FASN: variants seen among roughly 807,000 people sequenced by gnomAD.
The protein encoded by FASN is 3-hydroxyacyl-[acyl-carrier-protein] dehydratase.
In FASN, 50 loss-of-function variants were observed where a neutral mutation model predicts 250.0. The ratio of observed to expected loss-of-function variants is 0.20; its 90% CI spans 0.16 to 0.25. The LOEUF is 0.25. FASN is among the 10% of genes least tolerant of loss of function. FASN has a pLI of 1.00. For synonymous variants in FASN, 1,909 were observed against 1,584.0 expected (o/e 1.21, Z -4.87); for missense variants, 3,031 against 3,498.5 (o/e 0.87, Z 3.37).
chr17:82,082,259 T>C, intron 35 of FASN, 64 bp downstream of exon 35: 1 of 1,605,706 alleles, frequency 6.2e-7, no homozygotes, highest in Non-Finnish European at 8.5e-7. Context: ...ACAAACCACC[T>C]TGGCTCCCAC....
Position 82,084,675 on chromosome 17 carries a change from G to C in FASN, c.4606C>G (p.Leu1536Val), listed in dbSNP as rs1282919586. The part of the protein sequence containing the change: ...EPTAHAFVST[L>V]TRGDLSSIRW... Reference sequence around the variant, plus strand: ...ATGGAGGACAGGTCCCCCCGGGTGAGGGTGCTCACAAAGGCATGTGCCGTC... The same window carrying C: ...ATGGAGGACAGGTCCCCCCGGGTGACGGTGCTCACAAAGGCATGTGCCGTC... Residue 1536 changes from leucine to valine, a missense_variant, in exon 27 of 43, where the codon CTC becomes GTC. Leu to Val is a conservative substitution (Grantham distance 32). Transcript: ENST00000306749. 8 of 1,583,822 alleles carry C rather than the reference G, an allele frequency of 5.1e-6. No individual in the cohort carries two copies. Among genetic ancestry groups the C allele is most frequent in the South Asian group, 3.4e-5 (3 of 87,380 alleles).
In FASN at chr17:82,083,805, C is replaced by G. The variant is rs201306482; in HGVS notation, c.5185G>C (p.Glu1729Gln). ...SFANSRDTSFEQHVLWHTGGK... is the reference protein window; with the variant it reads ...SFANSRDTSFQQHVLWHTGGK... ...CCCGTGTGCCACAGCACATGCTGCT[C>G]GAAGGATGTGTCCCGGGAGTTGGCG... Residue 1729 changes from glutamate to glutamine, a missense_variant, in exon 30 of 43, where the codon GAG becomes CAG. Coordinates refer to ENST00000306749, the MANE Select transcript of FASN (RefSeq NM_004104.5). The G allele has an allele frequency of 6.2e-7, 1 of 1,610,108 alleles. No individual in the cohort carries two copies.
intron 1 of FASN, chr17:82,096,901 T>C (rs1422541742): frequency 3.7e-6 from 1 of 270,154 alleles, no homozygotes; most frequent in African/African-American, 2.2e-5. Flanking sequence ...AGGCCTCAGG[T>C]GGCCAGCCTG....
In FASN at chr17:82,082,510, T is replaced by A; in HGVS notation, c.5919+17A>T. On this transcript the variant is annotated intron_variant, in intron 34 of 42. Transcript: ENST00000306749. The stretch of plus-strand genomic sequence containing the variant: ...GTCTTGGGGCTTTTGAGGGCCCCAT[T>A]TGGGGCCTTCCCTCACCACGGCCAG... 3.1e-6 allele frequency: 5 copies of A among 1,609,180 alleles called. No individual in the cohort carries two copies. Among genetic ancestry groups the A allele is most frequent in the Non-Finnish European group, 4.2e-6 (5 of 1,179,762 alleles).
Position 82,083,581 on chromosome 17 carries a change from G to A in FASN, c.5277C>T (p.Cys1759=), listed in dbSNP as rs1357004328. ...AEEKLQASVR[C]LATHGRFLEI... is the part of the protein sequence containing the mutation. The stretch of plus-strand genomic sequence containing the variant: ...CCAGGAAGCGACCGTGCGTAGCCAA[G>A]CACCTCACGCTGGCCTGCAGCTTCT... Residue 1759 remains cysteine, a synonymous_variant, in exon 31 of 43, where the codon TGC becomes TGT. Transcript: ENST00000306749. 3 of 1,612,526 alleles carry A rather than the reference G, an allele frequency of 1.9e-6. No homozygotes were observed. Among genetic ancestry groups the A allele is most frequent in the African/African-American group, 2.7e-5 (2 of 74,938 alleles).
At position 82,078,550 on chromosome 17, in the gene FASN, C is replaced by T. The variant is rs556824081; in HGVS notation, c.*593G>A. On this transcript the variant is annotated 3_prime_UTR_variant, in exon 43 of 43. Transcript: ENST00000306749. The surrounding 1 kb of genome is among the most constrained non-coding windows in gnomAD (Gnocchi z 5.4). ...CGCCGGGCATAAGGGCAGCACCCCA[C>T]GGGTGGCTGTGCGGGGGGCCGCTGG... 163 of 164,668 alleles carry T rather than the reference C, an allele frequency of 9.9e-4. No individual in the cohort carries two copies. Among genetic ancestry groups the T allele is most frequent in the Middle Eastern group, 6.3e-3 (2 of 320 alleles). 10.2% of individuals were successfully genotyped at this position (164,668 alleles called of 1,614,324 possible). A position where few individuals can be genotyped will look rare whatever the true frequency, so the allele number is the denominator to read the frequency against.
Position 82,084,834 on chromosome 17 carries a change from GC to G in FASN, c.4528del (p.Ala1510ProfsTer24). ...CAGGAAGTGGCGGAAAGCCCCCCAGGCCCCGTCGCGGTAGACGTTCATCACC... is the reference window on the plus strand; with the variant it reads ...CAGGAAGTGGCGGAAAGCCCCCCAGGCCCGTCGCGGTAGACGTTCATCACC... ...DLVMNVYRDG[A>X]WGAFRHFLLE... is the part of the protein sequence containing the mutation. On this transcript the variant is annotated frameshift_variant, in exon 26 of 43. Coordinates refer to ENST00000306749, the MANE Select transcript of FASN (RefSeq NM_004104.5). LOFTEE classifies it high-confidence loss of function. 6.5e-7 allele frequency: 1 copy of G among 1,550,372 alleles called. No homozygotes were observed. The highest frequency in any genetic ancestry group is 8.7e-7 in the Non-Finnish European group (1 of 1,146,948).
rs1465316133 is a variant in FASN at position 82,091,304 on chromosome 17, G to A, written c.1410C>T (p.Tyr470=). The A allele has an allele frequency of 5.6e-6, 9 of 1,610,340 alleles. No homozygotes were observed. The highest frequency in any genetic ancestry group is 2.7e-5 in the African/African-American group (2 of 74,918). ...CACCGCGCTCACCACCCAGCACAGC[G>A]TAGCCACGGAAGGGCATGGCGGTGG... ...VPATAMPFRG[Y]AVLGGERGGP... is the part of the protein sequence containing the mutation. Residue 470 remains tyrosine, a synonymous_variant, in exon 9 of 43, where the codon TAC becomes TAT. Transcript: ENST00000306749.
At chr17:82,087,632 C>A in intron 19 of FASN, 53 bp downstream of exon 19, 1 of 1,604,836 alleles carries the variant, frequency 6.2e-7, no homozygotes, top group Non-Finnish European at 8.5e-7. Flanking sequence ...GTGGTCCCCA[C>A]AATGACGACC....
At position 82,089,020 on chromosome 17, in the gene FASN, G is replaced by T. The variant is rs757099118; in HGVS notation, c.2253C>A (p.His751Gln). ...CCAGCACCACCGCGTGCTCAGGCAC[G>T]TGCCACAGGGCCTCCTGGAACAGCA... ...SPVLFQEALW[H>Q]VPEHAVVLEI... The change falls in exon 14 of 43, where the codon CAC becomes CAA. Residue 751 changes from histidine (H) to glutamine (Q), a missense_variant. His to Gln is a conservative substitution (Grantham distance 24). Transcript: ENST00000306749. 11 of 1,608,234 alleles carry T rather than the reference G, an allele frequency of 6.8e-6. No homozygotes were observed. In the African/African-American group the frequency reaches 1.1e-4, roughly 16 times the overall value.
At position 82,092,933 on chromosome 17, in the gene FASN, T is replaced by C. The variant is rs2144806943; in HGVS notation, c.742A>G (p.Asn248Asp). The change falls in exon 6 of 43, where the codon AAC (asparagine) becomes GAC (aspartate). Residue 248 changes from asparagine to aspartate, a missense_variant. Coordinates refer to ENST00000306749, the MANE Select transcript of FASN (RefSeq NM_004104.5). ...AAGCCATCTGTATTGGTGCCGGCGT[T>C]CAGGATGGTGGCGTACACCCGCCGG... ...LARRVYATIL[N>D]AGTNTDGFKE... is the part of the protein sequence containing the mutation. 6.2e-7 allele frequency: 1 copy of C among 1,608,732 alleles called. No homozygotes were observed.
chr17:82,079,966 C>A (rs551337759), intron 41 of FASN, 174 bp downstream of exon 41: 7 of 759,350 alleles, frequency 9.2e-6, no homozygotes, highest in Admixed American at 4.3e-5. Flanking sequence ...CCTTAGCCTC[C>A]CAAAGTGCCG....
At position 82,088,600 on chromosome 17, in the gene FASN, C is replaced by T. The variant is rs769489388; in HGVS notation, c.2421-38G>A. ...GAGGCATGGGTAGCACACCCGTCAC[C>T]GGGGTCCAGGGGCTCTGGGTTCAGC... On this transcript the variant is annotated intron_variant, in intron 15 of 42. Transcript: ENST00000306749. The T allele has an allele frequency of 4.2e-5, 67 of 1,592,576 alleles. No individual in the cohort carries two copies. The Admixed American group carries it at 7.1e-4, about 17-fold the overall frequency.
Position 82,084,059 on chromosome 17 carries a change from G to A in FASN, c.5014C>T (p.Leu1672Phe), listed in dbSNP as rs1165353037. 3.9e-6 allele frequency: 6 copies of A among 1,547,764 alleles called. No homozygotes were observed. Among genetic ancestry groups the A allele is most frequent in the Non-Finnish European group, 5.2e-6 (6 of 1,147,690 alleles). ...RGRVRPGETLLIHSGSGGVGQ... is the reference protein window; with the variant it reads ...RGRVRPGETLFIHSGSGGVGQ... ...ACGCCGCCCGAGCCCGAGTGGATGA[G>A]CAGCGTCTCCCCGGGGCGCACCCGC... is the stretch of plus-strand genomic sequence containing the variant. Residue 1672 changes from leucine to phenylalanine, a missense_variant, in exon 29 of 43, where the codon CTC (leucine) becomes TTC (phenylalanine). Coordinates refer to ENST00000306749, the MANE Select transcript of FASN (RefSeq NM_004104.5).
At position 82,091,596 on chromosome 17, in the gene FASN, C is replaced by T. The variant is rs756441396; in HGVS notation, c.1118G>A (p.Arg373Gln). 1.5e-5 allele frequency: 24 copies of T among 1,590,170 alleles called. 1 individual carries two copies. The highest frequency in any genetic ancestry group is 1.7e-4 in the Middle Eastern group (1 of 6,058). ...NPEIPALLDG[R>Q]LQVVDQPLPV... ...CAGGGGCTGGTCCACCACCTGCAGC[C>T]GCCCATCCAACAGCGCTGGGATCTC... The change falls in exon 9 of 43, where the codon CGG becomes CAG. Residue 373 changes from arginine to glutamine, a missense_variant. Transcript: ENST00000306749.
At chr17:82,086,169 G>A (rs918183223) in intron 22 of FASN, 85 bp downstream of exon 22, 66 of 1,531,472 alleles carry the variant, frequency 4.3e-5, no homozygotes, top group South Asian at 1.2e-4. Flanking sequence ...GGCCCGCCCC[G>A]TGTCTGTGCT....
Position 82,088,017 on chromosome 17 carries a change from C to G in FASN, c.2803G>C (p.Val935Leu). Residue 935 changes from valine (V) to leucine (L), a missense_variant, in exon 18 of 43, where the codon GTA becomes CTA. Physicochemically the swap from Val to Leu is conservative, Grantham distance 32. Transcript: ENST00000306749. ...LPKTGTVSLE[V>L]RLLEASRAFE... Reference sequence around the variant, plus strand: ...GCACGGGAGGCCTCCAGGAGCCGTACCTCCAGGGACACTGTCCCTGCAGAG... The same window carrying G: ...GCACGGGAGGCCTCCAGGAGCCGTAGCTCCAGGGACACTGTCCCTGCAGAG... The G allele has an allele frequency of 6.2e-7, 1 of 1,612,794 alleles. No individual in the cohort carries two copies. The highest frequency in any genetic ancestry group is 8.5e-7 in the Non-Finnish European group (1 of 1,179,972).
At chr17:82,081,555 G>A in intron 37 of FASN, 46 bp downstream of exon 37, 1 of 1,608,040 alleles carries the variant, frequency 6.2e-7, no homozygotes, top group Non-Finnish European at 8.5e-7. Context: ...AGACCCTGAT[G>A]CCAGCAGGGG....
rs138754834 is a variant in FASN at position 82,082,945 on chromosome 17, G to A, written c.5736C>T (p.Leu1912=). 52 of 1,612,642 alleles carry A rather than the reference G, an allele frequency of 3.2e-5. No homozygotes were observed. In the Middle Eastern group the frequency reaches 4.9e-4, roughly 15 times the overall value. ...GGATCCCGGAGCGAGAAGTCAACAC[G>A]AGCTTCTGCACCCCACGCTGTATCA... The part of the protein sequence containing the change: ...QWLIQRGVQK[L]VLTSRSGIRT... The change falls in exon 33 of 43, where the codon CTC becomes CTT. Residue 1912 remains leucine, a synonymous_variant. Transcript: ENST00000306749.
Sources: allele counts gnomAD v4.1 joint callset, GRCh38; gene constraint gnomAD v4.1.1; non-coding constraint Gnocchi (gnomAD v3.1); transcripts MANE v1.5; gene names NCBI Gene and HGNC (gene_info 2026-07-23, HGNC 2026-07-21).